The following PAFAH2 variants were observed in gnomAD, a reference collection of about 807,000 sequenced individuals.
PAFAH2 encodes the protein platelet-activating factor acetylhydrolase 2, cytoplasmic.
Under a neutral mutation model 49.0 loss-of-function variants are expected in PAFAH2, and 42 were observed. That is an observed-to-expected ratio of 0.86 (90% CI 0.67 to 1.11). The LOEUF is 1.11. PAFAH2 is among the 50% of genes least tolerant of loss of function. The probability of loss-of-function intolerance (pLI) is 0.00; values close to 1 mark genes in which losing one functional copy is unlikely to be tolerated. For synonymous variants in PAFAH2, 184 were observed against 181.3 expected (o/e 1.01, Z -0.12); for missense variants, 503 against 501.8 (o/e 1.00, Z -0.02).
Position 25,982,556 on chromosome 1 carries a change from G to A in PAFAH2, c.553-79C>T, listed in dbSNP as rs1198793211. ...GAATCTCCCTCACGTACAGAGCCAA[G>A]GAAGAATGCACAGATAGTCTACCCA... On this transcript the variant is annotated intron_variant, in intron 6 of 10. Transcript: ENST00000374282. The A allele has an allele frequency of 3.6e-6, 4 of 1,119,766 alleles. No individual in the cohort carries two copies. In the East Asian group the frequency reaches 7.4e-5, roughly 21 times the overall value. The allele number at this position is 1,119,766 out of a possible 1,614,324, so 69.4% of individuals were successfully genotyped here.
intron 10 of PAFAH2, among the ~76,000 whole-genome samples, chr1:25,964,494 C>T (rs1042942946): frequency 2.6e-5 from 4 of 151,976 alleles, no homozygotes; most frequent in Admixed American, 6.6e-5. Flanking sequence ...TCGCCTGAGC[C>T]CAGGAGTTTG....
intron 9 of PAFAH2, among the ~76,000 whole-genome samples, chr1:25,973,836 G>A (rs925550087): frequency 6.6e-6 from 1 of 152,210 alleles, no homozygotes; most frequent in Non-Finnish European, 1.5e-5. Context: ...CTCAACTGCA[G>A]GGCAGGAGCA....
At chr1:25,980,885 C>T (rs143747392) in intron 7 of PAFAH2, among the ~76,000 whole-genome samples, 106 of 151,768 alleles carry the variant, frequency 7.0e-4, no homozygotes, top group African/African-American at 2.3e-3. Flanking sequence ...GGCATGGTGG[C>T]GCACACCTGG....
intron 4 of PAFAH2, 33 bp downstream of exon 4, chr1:25,988,198 G>T: frequency 1.4e-6 from 2 of 1,390,170 alleles, no homozygotes; most frequent in Non-Finnish European, 2.0e-6. Context: ...CAGGCAAGGA[G>T]TATGGCAAGG....
intron 10 of PAFAH2, among the ~76,000 whole-genome samples, chr1:25,969,151 C>T (rs1279397169): frequency 6.6e-6 from 1 of 152,214 alleles, no homozygotes; most frequent in African/African-American, 2.4e-5. Context: ...TTCAACAATT[C>T]ACTCTCCTGA....
intron 7 of PAFAH2, among the ~76,000 whole-genome samples, chr1:25,982,072 T>C (rs1419685097): frequency 1.3e-5 from 2 of 150,874 alleles, no homozygotes; most frequent in Non-Finnish European, 2.9e-5. Flanking sequence ...TGTGCAGGCT[T>C]GAACTGCTAG....
At chr1:25,985,462 T>TTCAC (rs2049768739) in intron 4 of PAFAH2, among the ~76,000 whole-genome samples, 1 of 152,212 alleles carries the variant, frequency 6.6e-6, no homozygotes, top group African/African-American at 2.4e-5. Context: ...CCCTTGGAAT[T>TTCAC]TCACTCTGGT....
intron 6 of PAFAH2, 23 bp downstream of exon 6, chr1:25,983,923 C>T (rs1306202676): frequency 2.5e-6 from 4 of 1,613,556 alleles, no homozygotes; most frequent in East Asian, 4.5e-5. Context: ...TTAACTCTCC[C>T]TCCCCAACTG....
Position 25,959,940 on chromosome 1 carries a change from T to C in PAFAH2, c.*2049A>G, listed in dbSNP as rs559631416. Reference sequence around the variant, plus strand: ...AACTATAACTAGAAAAATCTCATGTTTGGAAGGTAGGAAATATACTTTTAA... The same window carrying C: ...AACTATAACTAGAAAAATCTCATGTCTGGAAGGTAGGAAATATACTTTTAA... On this transcript the variant is annotated 3_prime_UTR_variant, in exon 11 of 11. Transcript: ENST00000374282. The C allele has an allele frequency of 1.3e-5, 2 of 152,320 alleles. No individual in the cohort carries two copies. Among genetic ancestry groups the C allele is most frequent in the South Asian group, 4.1e-4 (2 of 4,830 alleles). 9.4% of individuals were successfully genotyped at this position (152,320 alleles called of 1,614,324 possible). A position where few individuals can be genotyped will look rare whatever the true frequency, so the allele number is the denominator to read the frequency against.
At chr1:25,982,117 T>A (rs1315207694) in intron 7 of PAFAH2, among the ~76,000 whole-genome samples, 1 of 151,342 alleles carries the variant, frequency 6.6e-6, no homozygotes, top group Non-Finnish European at 1.5e-5. Flanking sequence ...GAGAGTCTGG[T>A]GAGAAAACCA....
chr1:25,986,236 T>C (rs1458187790), intron 4 of PAFAH2, among the ~76,000 whole-genome samples: 1 of 152,046 alleles, frequency 6.6e-6, no homozygotes, highest in Non-Finnish European at 1.5e-5. Flanking sequence ...GACAATGACA[T>C]CCAAACTAAG....
At chr1:25,990,676 G>T in intron 2 of PAFAH2, 51 bp downstream of exon 2, 3 of 1,423,612 alleles carry the variant, frequency 2.1e-6, no homozygotes, top group Non-Finnish European at 3.0e-6. Context: ...AGTAAGTCAC[G>T]GTGCCGGCAG....
intron 9 of PAFAH2, among the ~76,000 whole-genome samples, chr1:25,974,047 T>C (rs1211819327): frequency 6.6e-6 from 1 of 152,222 alleles, no homozygotes; most frequent in Non-Finnish European, 1.5e-5. Context: ...ACAACATATG[T>C]TAACAGTGAT....
intron 4 of PAFAH2, among the ~76,000 whole-genome samples, chr1:25,987,488 T>C (rs931039917): frequency 6.6e-6 from 1 of 151,982 alleles, no homozygotes; most frequent in African/African-American, 2.4e-5. Flanking sequence ...TCCCAGCACT[T>C]TGGGAGGCCG....
rs2049860069 is a variant in PAFAH2 at position 25,990,754 on chromosome 1, C to T, written c.63G>A (p.Gly21=). The T allele has an allele frequency of 6.2e-7, 1 of 1,613,984 alleles. No homozygotes were observed. Among genetic ancestry groups the T allele is most frequent in the Non-Finnish European group, 8.5e-7 (1 of 1,179,922 alleles). Residue 21 remains glycine (G), a synonymous_variant, in exon 2 of 11, where the codon GGG becomes GGA. Transcript: ENST00000374282. The part of the protein sequence containing the change: ...PVTGPHLVGC[G]DVMEGQNLQG... ...GGAGATTCTGACCCTCCATCACATC[C>T]CCACAGCCTACGAGGTGGGGTCCTG...
chr1:25,991,512 G>A (rs2049875607), intron 1 of PAFAH2, among the ~76,000 whole-genome samples: 1 of 150,092 alleles, frequency 6.7e-6, no homozygotes, highest in Non-Finnish European at 1.5e-5. Flanking sequence ...TTGATCTCCT[G>A]ACCTCGTGAT....
intron 1 of PAFAH2, among the ~76,000 whole-genome samples, chr1:25,994,305 T>C (rs1354886050): frequency 1.3e-5 from 2 of 152,082 alleles, no homozygotes; most frequent in Non-Finnish European, 2.9e-5. Context: ...AATTTTTGTA[T>C]TTATTTGTAG....
At position 25,982,112 on chromosome 1, in the gene PAFAH2, TC is replaced by T. The variant is rs2049698489; in HGVS notation, c.666+251del. 2.0e-5 allele frequency among the ~76,000 whole-genome samples: 3 copies of T among 149,174 alleles called. No homozygotes were observed. In the South Asian group the frequency reaches 6.4e-4, roughly 32 times the overall value. ...CACCTTTCTTGCCTAAAGGAGAGAGTCTGGTGAGAAAACCACAGATATACAG... is the reference window on the plus strand; with the variant it reads ...CACCTTTCTTGCCTAAAGGAGAGAGTTGGTGAGAAAACCACAGATATACAG... On this transcript the variant is annotated intron_variant, in intron 7 of 10. Coordinates refer to ENST00000374282, the MANE Select transcript of PAFAH2 (RefSeq NM_000437.4).
rs1209179686 is a variant in PAFAH2, at chr1:25,963,054, C to CA, written c.1085-972dup. Reference sequence around the variant, plus strand: ...GGGGTAACTACACGGCAAGAACAGGCACAAAGGGTCCAAGCCCTCAGGCTG... The same window carrying CA: ...GGGGTAACTACACGGCAAGAACAGGCAACAAAGGGTCCAAGCCCTCAGGCTG... On this transcript the variant is annotated intron_variant, in intron 10 of 10. Transcript: ENST00000374282. Among the ~76,000 whole-genome samples, 3 of 152,228 alleles carry CA rather than the reference C, an allele frequency of 2.0e-5. No individual in the cohort carries two copies. In the East Asian group the frequency reaches 5.8e-4, roughly 29 times the overall value.
Sources: gnomAD v4.1 joint callset for allele counts (sites outside exome capture counted in the v4.1 genomes callset) on GRCh38, gnomAD v4.1.1 for gene constraint, MANE v1.5 for transcripts, NCBI Gene and HGNC (gene_info 2026-07-23, HGNC 2026-07-21) for gene names.